XYLT1: variants seen among roughly 807,000 people sequenced by gnomAD.
XYLT1 encodes the protein xylosyltransferase 1, also known as beta-D-xylosyltransferase 1.
Under a neutral mutation model 91.3 loss-of-function variants are expected in XYLT1, and 36 were observed. That is an observed-to-expected ratio of 0.39 (90% CI 0.30 to 0.52). XYLT1 has a LOEUF of 0.52. XYLT1 is among the 20% of genes least tolerant of loss of function. The pLI, the probability that XYLT1 is intolerant of heterozygous loss-of-function variation, is 0.68. For synonymous variants in XYLT1, 588 were observed against 532.0 expected (o/e 1.11, Z -1.45); for missense variants, 1,242 against 1,284.5 (o/e 0.97, Z 0.51).
At chr16:17,423,265 G>A (rs2036271683) in intron 1 of XYLT1, among the ~76,000 whole-genome samples, 1 of 152,100 alleles carries the variant, frequency 6.6e-6, no homozygotes, top group Non-Finnish European at 1.5e-5. Context: ...CCCCAGCAGC[G>A]CCTGATGTTT....
intron 2 of XYLT1, among the ~76,000 whole-genome samples, chr16:17,328,548 C>CAAAAAAAAAAAA (rs71373105): frequency 1.2e-4 from 6 of 51,254 alleles, no homozygotes; most frequent in Non-Finnish European, 2.0e-4. Flanking sequence ...GACTCCTTCT[C>CAAAAAAAAAAAA]AAAAAAAAAA....
intron 11 of XYLT1, among the ~76,000 whole-genome samples, chr16:17,113,011 G>A (rs1366221203): frequency 6.7e-6 from 1 of 149,844 alleles, no homozygotes; most frequent in African/African-American, 2.5e-5. Flanking sequence ...GGCTAATTTT[G>A]TATTTTTAGT....
At position 17,165,795 on chromosome 16, in the gene XYLT1, A is replaced by G. The variant is rs1043102461; in HGVS notation, c.1290-6886T>C. On this transcript the variant is annotated intron_variant, in intron 5 of 11. Transcript: ENST00000261381. ...CCTTACAACTACTGCTCCATTGAAC[A>G]CCCTTGAATAACTATCTTTTCACAT... is the stretch of plus-strand genomic sequence containing the variant. 5.3e-5 allele frequency among the ~76,000 whole-genome samples: 8 copies of G among 152,094 alleles called. No homozygotes were observed. In the South Asian group the frequency reaches 1.2e-3, roughly 24 times the overall value.
chr16:17,376,753 G>T (rs980949888), intron 1 of XYLT1, among the ~76,000 whole-genome samples: 2 of 150,734 alleles, frequency 1.3e-5, no homozygotes, highest in Non-Finnish European at 1.5e-5. Flanking sequence ...CTTGAATCCG[G>T]GAGGCGGAGG....
intron 2 of XYLT1, among the ~76,000 whole-genome samples, chr16:17,303,998 C>CGTGTGT (rs140606021): frequency 6.7e-6 from 1 of 150,014 alleles, no homozygotes; most frequent in African/African-American, 2.4e-5. Context: ...TATACATGTG[C>CGTGTGT]GTGTGTGTGT....
chr16:17,450,294 C>T (rs192427023), intron 1 of XYLT1, among the ~76,000 whole-genome samples: 2 of 151,922 alleles, frequency 1.3e-5, no homozygotes, highest in East Asian at 1.9e-4. Flanking sequence ...GCTGAGATTG[C>T]GCCACTGCAC....
intron 2 of XYLT1, among the ~76,000 whole-genome samples, chr16:17,291,628 A>G (rs945205650): frequency 1.3e-5 from 2 of 149,336 alleles, no homozygotes; most frequent in African/African-American, 4.9e-5. Flanking sequence ...TGAAGGTCAA[A>G]TACGGTGCTG....
intron 1 of XYLT1, among the ~76,000 whole-genome samples, chr16:17,394,057 G>A (rs536687653): frequency 6.6e-6 from 1 of 152,242 alleles, no homozygotes; most frequent in African/African-American, 2.4e-5. Flanking sequence ...TTACAGGCAT[G>A]AGCCACCACG....
Position 17,259,167 on chromosome 16 carries a change from C to A in XYLT1, c.734G>T (p.Ser245Ile), listed in dbSNP as rs751173104. 1.0e-5 allele frequency: 16 copies of A among 1,599,116 alleles called. No individual in the cohort carries two copies. The highest frequency in any genetic ancestry group is 1.4e-5 in the Non-Finnish European group (16 of 1,172,648). The change falls in exon 3 of 12, where the codon AGC becomes ATC. Residue 245 changes from serine to isoleucine, a missense_variant. Transcript: ENST00000261381. Reference protein sequence around the residue: ...RPPHARKTGGSSPETKYDQPP... With the variant: ...RPPHARKTGGISPETKYDQPP... ...CTGGTCATACTTGGTCTCGGGGGAG[C>A]TGCCCCCAGTTTTCCTGGCATGAGG...
chr16:17,253,646 G>T (rs1285932679), intron 3 of XYLT1, among the ~76,000 whole-genome samples: 1 of 152,108 alleles, frequency 6.6e-6, no homozygotes, highest in East Asian at 1.9e-4. Flanking sequence ...CTTTACAGAT[G>T]GAGAAACTGA....
At chr16:17,466,977 T>C (rs1171959559) in intron 1 of XYLT1, among the ~76,000 whole-genome samples, 4 of 152,182 alleles carry the variant, frequency 2.6e-5, no homozygotes, top group Non-Finnish European at 5.9e-5. Flanking sequence ...CCTCCAAGGC[T>C]GTTAGAAGCA....
intron 1 of XYLT1, among the ~76,000 whole-genome samples, chr16:17,368,820 G>T (rs111747557): frequency 0.05 from 7,584 of 152,152 alleles, 657 homozygotes; most frequent in African/African-American, 0.17. Flanking sequence ...CTGGTCTCAA[G>T]TGATCCTACT....
At chr16:17,425,252 C>T (rs999867792) in intron 1 of XYLT1, among the ~76,000 whole-genome samples, 3 of 152,226 alleles carry the variant, frequency 2.0e-5, no homozygotes, top group African/African-American at 4.8e-5. Context: ...TAGCCAGATG[C>T]TGCCCTTTGC....
chr16:17,132,356 T>G (rs1383551710), intron 9 of XYLT1, among the ~76,000 whole-genome samples: 1 of 148,382 alleles, frequency 6.7e-6, no homozygotes, highest in African/African-American at 2.6e-5. Flanking sequence ...AGGTGGTCCT[T>G]GGATGGCTTT....
chr16:17,164,687 A>G (rs1386996066), intron 5 of XYLT1, among the ~76,000 whole-genome samples: 1 of 152,176 alleles, frequency 6.6e-6, no homozygotes, highest in South Asian at 2.1e-4. Context: ...TCCATATTGT[A>G]TCATACCTTA....
chr16:17,297,150 A>C (rs945088456), intron 2 of XYLT1, among the ~76,000 whole-genome samples: 1 of 152,232 alleles, frequency 6.6e-6, no homozygotes, highest in Non-Finnish European at 1.5e-5. Flanking sequence ...AGGATAAAGC[A>C]CTTGCTTGAG....
rs187170342 is a variant in XYLT1 at position 17,358,730 on chromosome 16, C to T, written c.364-680G>A. On this transcript the variant is annotated intron_variant, in intron 1 of 11. Transcript: ENST00000261381. ...CAAACCCTCTATAAGGAGAGTTTGG[C>T]TCCGTAAGAGGATTAGGAATAAACC... 2.0e-5 allele frequency among the ~76,000 whole-genome samples: 3 copies of T among 152,286 alleles called. No individual in the cohort carries two copies. In the East Asian group the frequency reaches 5.8e-4, roughly 29 times the overall value.
intron 1 of XYLT1, among the ~76,000 whole-genome samples, chr16:17,399,022 C>G (rs1394290259): frequency 6.6e-6 from 1 of 151,828 alleles, no homozygotes; most frequent in Non-Finnish European, 1.5e-5. Context: ...TTAAAATGCC[C>G]CCTTTTTATA....
intron 2 of XYLT1, among the ~76,000 whole-genome samples, chr16:17,347,582 C>T (rs919584815): frequency 3.3e-5 from 5 of 152,312 alleles, no homozygotes; most frequent in Admixed American, 1.3e-4. Flanking sequence ...TACAATCCAC[C>T]GTTGGGCATT....
Sources: gnomAD v4.1 joint callset for allele counts (sites outside exome capture counted in the v4.1 genomes callset) on GRCh38, gnomAD v4.1.1 for gene constraint, MANE v1.5 for transcripts, NCBI Gene and HGNC (gene_info 2026-07-23, HGNC 2026-07-21) for gene names.